Variants in ADGRG6 observed in about 807,000 individuals in gnomAD.
ADGRG6 encodes G-protein coupled receptor 126.
ADGRG6 carries 84 observed loss-of-function variants against 142.4 expected under a neutral mutation model. That is an observed-to-expected ratio of 0.59 (90% CI 0.49 to 0.71). The LOEUF is 0.71. ADGRG6 is among the 30% of genes least tolerant of loss of function. ADGRG6 has a pLI of 0.00. For missense variants in ADGRG6, 1,367 were observed against 1,466.6 expected (o/e 0.93, Z 1.11); for synonymous variants, 521 against 520.5 (o/e 1.00, Z -0.01).
intron 15 of ADGRG6, among the ~76,000 whole-genome samples, chr6:142,406,750 G>A (rs988639225): frequency 1.2e-4 from 19 of 152,266 alleles, no homozygotes; most frequent in Middle Eastern, 3.4e-3. Flanking sequence ...TGTATAAAAC[G>A]TGTAATTTAT....
At chr6:142,330,516 T>C (rs1383625442) in intron 2 of ADGRG6, among the ~76,000 whole-genome samples, 1 of 152,206 alleles carries the variant, frequency 6.6e-6, no homozygotes, top group Non-Finnish European at 1.5e-5. Context: ...CCCCTAACCC[T>C]CAATGTAATA....
rs1282296615 is a variant in ADGRG6 at position 142,403,799 on chromosome 6, T to C, written c.1956-3T>C. ...ATAGTGGCATTTTTTGTCGTTACTT[T>C]AGAGCTTTAAAAACAATTGATGAAT... On this transcript the variant is annotated splice_region_variant and splice_polypyrimidine_tract_variant and intron_variant, in intron 13 of 24. Transcript: ENST00000367609. 1 of 1,563,884 alleles carries C rather than the reference T, an allele frequency of 6.4e-7. No homozygotes were observed.
chr6:142,414,871 T>G, intron 18 of ADGRG6, 98 bp from the exon 19 acceptor site: 1 of 878,106 alleles, frequency 1.1e-6, no homozygotes, highest in Non-Finnish European at 1.7e-6. Flanking sequence ...CCCCTGAGAG[T>G]AAGCTGCTCT....
chr6:142,398,786 C>G (rs1315935558), intron 10 of ADGRG6, among the ~76,000 whole-genome samples: 1 of 152,190 alleles, frequency 6.6e-6, no homozygotes, highest in Non-Finnish European at 1.5e-5. Context: ...GCCTCTACTT[C>G]ATGCTGTCCA....
rs1263644062 is a variant in ADGRG6 at position 142,356,603 on chromosome 6, T to C, written c.104-10966T>C. Among the ~76,000 whole-genome samples the C allele has an allele frequency of 2.0e-5, 3 of 152,206 alleles. No individual in the cohort carries two copies. The East Asian group carries it at 5.8e-4, about 29-fold the overall frequency. ...ATGTCTTCATAACTTCCTTGGAAAC[T>C]TTTTTGTAGTAAAGGGAAAAATTGA... On this transcript the variant is annotated intron_variant, in intron 2 of 24. Transcript: ENST00000367609.
intron 2 of ADGRG6, among the ~76,000 whole-genome samples, chr6:142,314,007 C>A (rs1205049317): frequency 6.6e-6 from 1 of 152,146 alleles, no homozygotes; most frequent in Admixed American, 6.6e-5. Flanking sequence ...GTGTGTTTCA[C>A]TCAGAATCAA....
At chr6:142,431,746 A>T (rs6935657) in intron 22 of ADGRG6, among the ~76,000 whole-genome samples, 2,920 of 152,178 alleles carry the variant, frequency 0.019, 55 homozygotes, top group African/African-American at 0.052. Context: ...AATATGGTGA[A>T]GCCCCGCCTC....
Position 142,445,798 on chromosome 6 carries a change from T to C in ADGRG6, c.*2283T>C, listed in dbSNP as rs575567181. Reference sequence around the variant, plus strand: ...GCCTAAATTTAGTTCAGCTTACCTTTGAGAATAGCATCAATTCAGACTCTC... The same window carrying C: ...GCCTAAATTTAGTTCAGCTTACCTTCGAGAATAGCATCAATTCAGACTCTC... On this transcript the variant is annotated 3_prime_UTR_variant, in exon 25 of 25. Coordinates refer to ENST00000367609, the MANE Select transcript of ADGRG6 (RefSeq NM_198569.3). 1.3e-5 allele frequency: 2 copies of C among 152,312 alleles called. No individual in the cohort carries two copies. The highest frequency in any genetic ancestry group is 3.9e-4 in the East Asian group (2 of 5,178). 9.4% of individuals were successfully genotyped at this position (152,312 alleles called of 1,614,324 possible). A position where few individuals can be genotyped will look rare whatever the true frequency, so the allele number is the denominator to read the frequency against.
rs5880531 is a variant in ADGRG6 at position 142,305,429 on chromosome 6, T to TACACACACACACAC, written c.2+3126_2+3139dup. Among the ~76,000 whole-genome samples, 417 of 120,832 alleles carry TACACACACACACAC rather than the reference T, an allele frequency of 3.5e-3. 6 individuals are homozygous for TACACACACACACAC. Among genetic ancestry groups the TACACACACACACAC allele is most frequent in the African/African-American group, 0.014 (389 of 28,582 alleles). 79.3% of individuals were successfully genotyped at this position (120,832 alleles called of 152,430 possible). A position where few individuals can be genotyped will look rare whatever the true frequency, so the allele number is the denominator to read the frequency against. ...TGCCCCCCCCCACGAGCCCCTCCTG[T>TACACACACACACAC]ACACACACACACACACACACACACA... On this transcript the variant is annotated intron_variant, in intron 1 of 24. Coordinates refer to ENST00000367609, the MANE Select transcript of ADGRG6 (RefSeq NM_198569.3).
chr6:142,320,160 C>G (rs1248619056), intron 2 of ADGRG6, among the ~76,000 whole-genome samples: 1 of 152,018 alleles, frequency 6.6e-6, no homozygotes, highest in African/African-American at 2.4e-5. Flanking sequence ...TTTTAAGACT[C>G]TATGCCTTAG....
intron 6 of ADGRG6, among the ~76,000 whole-genome samples, chr6:142,388,384 T>C (rs1436256280): frequency 5.9e-5 from 9 of 152,262 alleles, no homozygotes; most frequent in East Asian, 1.9e-4. Context: ...ACTACTGTTA[T>C]AACAAAAGCA....
In ADGRG6 at chr6:142,308,817, A is replaced by G. The variant is rs1392933174; in HGVS notation, c.3-727A>G. ...TATTATACCATTGTTTTGAGACAAT[A>G]TAATATGAATGTTGCTTTCTAAATC... On this transcript the variant is annotated intron_variant, in intron 1 of 24. Coordinates refer to ENST00000367609, the MANE Select transcript of ADGRG6 (RefSeq NM_198569.3). Among the ~76,000 whole-genome samples, 4 of 151,726 alleles carry G rather than the reference A, an allele frequency of 2.6e-5. No homozygotes were observed. In the East Asian group the frequency reaches 5.8e-4, roughly 22 times the overall value.
intron 2 of ADGRG6, among the ~76,000 whole-genome samples, chr6:142,338,971 AT>A: frequency 6.6e-6 from 1 of 152,320 alleles, no homozygotes; most frequent in East Asian, 1.9e-4. Context: ...TCCACATTTT[AT>A]TGGATGTGAT....
intron 22 of ADGRG6, among the ~76,000 whole-genome samples, chr6:142,435,650 AC>A (rs1429800206): frequency 6.6e-6 from 1 of 152,124 alleles, no homozygotes; most frequent in East Asian, 1.9e-4. Context: ...ATTTCTTGAA[AC>A]AGCCAGCACA....
intron 2 of ADGRG6, among the ~76,000 whole-genome samples, chr6:142,334,738 G>C (rs191986844): frequency 7.1e-4 from 108 of 152,248 alleles, no homozygotes; most frequent in African/African-American, 2.2e-3. Flanking sequence ...TTCTATGACT[G>C]TTTTGGTTAC....
intron 17 of ADGRG6, among the ~76,000 whole-genome samples, chr6:142,410,406 G>A (rs1483553772): frequency 1.3e-5 from 2 of 152,088 alleles, no homozygotes; most frequent in African/African-American, 2.4e-5. Context: ...ACTTGAAAGA[G>A]ATGAAGAGCC....
chr6:142,441,495 C>T (rs1777754940), intron 24 of ADGRG6, among the ~76,000 whole-genome samples: 2 of 152,084 alleles, frequency 1.3e-5, no homozygotes, highest in African/African-American at 4.8e-5. Context: ...TAATATCTAA[C>T]CAGAAGACTG....
At chr6:142,314,649 A>G (rs1328002422) in intron 2 of ADGRG6, among the ~76,000 whole-genome samples, 10 of 152,326 alleles carry the variant, frequency 6.6e-5, no homozygotes, top group South Asian at 2.1e-4. Flanking sequence ...TTGTTGCATT[A>G]AAAATGGATG....
At chr6:142,391,109 C>A (rs1215181575) in intron 7 of ADGRG6, among the ~76,000 whole-genome samples, 1 of 151,626 alleles carries the variant, frequency 6.6e-6, no homozygotes, top group East Asian at 1.9e-4. Context: ...TTGTAGTTTT[C>A]AATTTAAAAA....
Sources: gnomAD v4.1 joint callset for allele counts (sites outside exome capture counted in the v4.1 genomes callset) on GRCh38, gnomAD v4.1.1 for gene constraint, MANE v1.5 for transcripts, NCBI Gene and HGNC (gene_info 2026-07-23, HGNC 2026-07-21) for gene names.